The following C2CD3 variants were observed in gnomAD, a reference collection of about 807,000 sequenced individuals.
The protein encoded by C2CD3 is C2 domain containing 3 centriole elongation regulator.
C2CD3 carries 148 observed loss-of-function variants against 234.0 expected under a neutral mutation model. The observed-to-expected ratio is 0.63, with a 90% CI of 0.55 to 0.72. The LOEUF (loss-of-function observed/expected upper bound fraction) is 0.72, where lower values mean the gene tolerates loss of function less well. Ranked by LOEUF, C2CD3 falls within the 30% of genes least tolerant of loss-of-function variation. The pLI, the probability that C2CD3 is intolerant of heterozygous loss-of-function variation, is 0.00. For missense variants in C2CD3, 2,577 were observed against 2,811.5 expected (o/e 0.92, Z 1.89); for synonymous variants, 1,000 against 1,035.4 (o/e 0.97, Z 0.66).
At chr11:74,149,279 C>A (rs530788966) in intron 3 of C2CD3, among the ~76,000 whole-genome samples, 2 of 152,280 alleles carry the variant, frequency 1.3e-5, no homozygotes, top group East Asian at 3.9e-4. Flanking sequence ...TATAGCTGAA[C>A]AATTAGAAGT....
At chr11:74,115,033 G>A (rs1035762303) in intron 9 of C2CD3, among the ~76,000 whole-genome samples, 2 of 151,640 alleles carry the variant, frequency 1.3e-5, no homozygotes, top group African/African-American at 4.9e-5. Flanking sequence ...ATCAAGGATT[G>A]GAAACAGCTT....
chr11:74,162,251 T>C (rs1856526820), intron 2 of C2CD3, among the ~76,000 whole-genome samples: 1 of 152,160 alleles, frequency 6.6e-6, no homozygotes. Flanking sequence ...TATACTGATA[T>C]GGAACAACAT....
At chr11:74,120,114 G>T (rs919430509) in intron 8 of C2CD3, among the ~76,000 whole-genome samples, 1 of 151,666 alleles carries the variant, frequency 6.6e-6, no homozygotes, top group Non-Finnish European at 1.5e-5. Flanking sequence ...CAGCATGATT[G>T]TAAGATTACT....
Position 74,151,167 on chromosome 11 carries a change from G to A in C2CD3, c.483+10232C>T, listed in dbSNP as rs546563400. On this transcript the variant is annotated intron_variant, in intron 3 of 32. Transcript: ENST00000334126. ...TCTCGAACTCCTGACCTGGTGATCC[G>A]CCCGCCTCGGCCTCCCAAAGTGCTG... 1.1e-3 allele frequency among the ~76,000 whole-genome samples: 168 copies of A among 152,096 alleles called. 2 individuals are homozygous for A. The highest frequency in any genetic ancestry group is 9.1e-3 in the South Asian group (44 of 4,816).
chr11:74,127,476 ATTT>A (rs1308320958), intron 7 of C2CD3, among the ~76,000 whole-genome samples: 1 of 141,728 alleles, frequency 7.1e-6, no homozygotes, highest in Admixed American at 7.1e-5. Flanking sequence ...GGGTTGCTTA[ATTT>A]TTTTTTTTTT....
Position 74,034,261 on chromosome 11 carries a change from T to C in C2CD3, c.5899A>G (p.Arg1967Gly), listed in dbSNP as rs1178447613. Residue 1967 changes from arginine (R) to glycine (G), a missense_variant, in exon 31 of 33, where the codon AGG becomes GGG. Physicochemically the swap from Arg to Gly is moderately radical, Grantham distance 125. Coordinates refer to ENST00000334126, the MANE Select transcript of C2CD3 (RefSeq NM_001286577.2). ...GAACTCAAAGCTGCTTGCGAATCCCTGGTGATAGTCTGCAGATCTGAACAG... is the reference window on the plus strand; with the variant it reads ...GAACTCAAAGCTGCTTGCGAATCCCCGGTGATAGTCTGCAGATCTGAACAG... ...SLITDLQTIT[R>G]DSQAALSSHR... 1.3e-6 allele frequency: 2 copies of C among 1,535,802 alleles called. No individual in the cohort carries two copies. Among genetic ancestry groups the C allele is most frequent in the Non-Finnish European group, 8.7e-7 (1 of 1,146,660 alleles).
intron 32 of C2CD3, among the ~76,000 whole-genome samples, chr11:74,025,887 C>G (rs1282792228): frequency 6.6e-6 from 1 of 152,148 alleles, no homozygotes; most frequent in Non-Finnish European, 1.5e-5. Flanking sequence ...CAGTATTTCA[C>G]TCCATGGATG....
At chr11:74,062,673 G>A (rs965850068) in intron 24 of C2CD3, among the ~76,000 whole-genome samples, 41 of 151,914 alleles carry the variant, frequency 2.7e-4, no homozygotes, top group African/African-American at 4.8e-5. Context: ...GAGAAAGCAG[G>A]AAAGATCTAA....
intron 24 of C2CD3, 73 bp downstream of exon 24, chr11:74,074,180 T>A: frequency 2.0e-6 from 2 of 1,010,918 alleles, no homozygotes; most frequent in Non-Finnish European, 3.0e-6. Flanking sequence ...CTGCCATGAT[T>A]TGAAAGATTT....
In C2CD3 at chr11:74,092,665, A is replaced by C. The variant is rs748331681; in HGVS notation, c.3345-77T>G. On this transcript the variant is annotated intron_variant, in intron 18 of 32. Transcript: ENST00000334126. ...CAGTCTGCCCCACAGATCAGCCTTCACTACCTGGTTATCTTTGGTGCCTGA... is the reference window on the plus strand; with the variant it reads ...CAGTCTGCCCCACAGATCAGCCTTCCCTACCTGGTTATCTTTGGTGCCTGA... The C allele has an allele frequency of 2.5e-6, 3 of 1,224,450 alleles. No individual in the cohort carries two copies. In the Admixed American group the frequency reaches 6.7e-5, roughly 27 times the overall value. The allele number at this position is 1,224,450 out of a possible 1,614,324, so 75.8% of individuals were successfully genotyped here. A position where few individuals can be genotyped will look rare whatever the true frequency, so the allele number is the denominator to read the frequency against.
In C2CD3 at chr11:74,013,495, A is replaced by C. The variant is rs913532849; in HGVS notation, c.6952T>G (p.Ser2318Ala). ...DKSEATRGAL[S>A]QRPCRPRPNS... ...GGTCTGGGGCGACAAGGCCTTTGGGAGAGAGCTCCCCTGGTGGCTTCGCTC... is the reference window on the plus strand; with the variant it reads ...GGTCTGGGGCGACAAGGCCTTTGGGCGAGAGCTCCCCTGGTGGCTTCGCTC... The change falls in exon 33 of 33, where the codon TCC becomes GCC. Residue 2318 changes from serine (S) to alanine (A), a missense_variant. Physicochemically the swap from Ser to Ala is moderately conservative, Grantham distance 99. Transcript: ENST00000334126. The C allele has an allele frequency of 4.5e-5, 63 of 1,390,732 alleles. No homozygotes were observed. In the South Asian group the frequency reaches 7.2e-4, roughly 16 times the overall value. The allele number at this position is 1,390,732 out of a possible 1,614,324, so 86.1% of individuals were successfully genotyped here.
chr11:74,049,439 C>G lies in C2CD3; in HGVS notation c.5259G>C (p.Glu1753Asp). ...GWYNITDFSG[E>D]CQGQIKVAVS... The stretch of plus-strand genomic sequence containing the variant: ...CAGCAACTTTTATCTGCCCCTGGCA[C>G]TCTCCACTGAAGTCTGTGATGTTGT... Residue 1753 changes from glutamate to aspartate, a missense_variant, in exon 27 of 33, where the codon GAG becomes GAC. Coordinates refer to ENST00000334126, the MANE Select transcript of C2CD3 (RefSeq NM_001286577.2). 2 of 1,613,990 alleles carry G rather than the reference C, an allele frequency of 1.2e-6. No individual in the cohort carries two copies. Among genetic ancestry groups the G allele is most frequent in the Non-Finnish European group, 1.7e-6 (2 of 1,179,994 alleles).
chr11:74,073,731 A>G (rs1180755532), intron 24 of C2CD3, among the ~76,000 whole-genome samples: 1 of 152,218 alleles, frequency 6.6e-6, no homozygotes, highest in African/African-American at 2.4e-5. Context: ...ATTGTTGACA[A>G]TATCACAGGT....
intron 3 of C2CD3, among the ~76,000 whole-genome samples, chr11:74,150,523 AAAACAAAAC>A (rs1855560788): frequency 8.2e-5 from 5 of 61,194 alleles, no homozygotes; most frequent in East Asian, 3.6e-4. Flanking sequence ...AAACAAAAAA[AAAACAAAAC>A]AAATTTCTAA....
At chr11:74,134,491 T>C (rs1957793711) in intron 5 of C2CD3, among the ~76,000 whole-genome samples, 1 of 152,164 alleles carries the variant, frequency 6.6e-6, no homozygotes, top group Non-Finnish European at 1.5e-5. Flanking sequence ...ATAGTCACAG[T>C]GTTCCAGCCT....
intron 2 of C2CD3, among the ~76,000 whole-genome samples, chr11:74,167,133 G>A (rs1366511917): frequency 2.0e-5 from 3 of 152,184 alleles, no homozygotes; most frequent in Non-Finnish European, 4.4e-5. Context: ...CATGTAGTTG[G>A]TAACACCAAT....
intron 21 of C2CD3, 71 bp from the exon 22 acceptor site, chr11:74,085,041 C>A: frequency 1.2e-6 from 1 of 802,910 alleles, no homozygotes; most frequent in Non-Finnish European, 2.2e-6. Flanking sequence ...ACAGTATATC[C>A]ACACAACCCT....
At position 74,046,288 on chromosome 11, in the gene C2CD3, A is replaced by C. The variant is rs186430195; in HGVS notation, c.5495+1917T>G. On this transcript the variant is annotated intron_variant, in intron 28 of 32. Transcript: ENST00000334126. The stretch of plus-strand genomic sequence containing the variant: ...GGCAACCACTGATTTGCTTTCTGTC[A>C]CTATAGGTTAGGATGCATTTTCTAG... Among the ~76,000 whole-genome samples the C allele has an allele frequency of 8.2e-3, 1,253 of 152,220 alleles. 10 individuals carry two copies. Among genetic ancestry groups the C allele is most frequent in the Non-Finnish European group, 0.011 (779 of 68,018 alleles).
In C2CD3 at chr11:74,084,884, A is replaced by G; in HGVS notation, c.3997T>C (p.Ser1333Pro). Reference protein sequence around the residue: ...VPTKELLIKRSGITGWYPIIL... With the variant: ...VPTKELLIKRPGITGWYPIIL... ...AGTGATAATCCAGGATCCTTACCAG[A>G]TCTCTTGATCAGCAGCTCTTTTGTT... is the stretch of plus-strand genomic sequence containing the variant. The change falls in exon 22 of 33, where the codon TCT becomes CCT. Residue 1333 changes from serine to proline, a missense_variant. Physicochemically the swap from Ser to Pro is moderately conservative, Grantham distance 74. Coordinates refer to ENST00000334126, the MANE Select transcript of C2CD3 (RefSeq NM_001286577.2). 3 of 1,593,120 alleles carry G rather than the reference A, an allele frequency of 1.9e-6. No homozygotes were observed. The highest frequency in any genetic ancestry group is 2.6e-6 in the Non-Finnish European group (3 of 1,160,954).
Sources: gnomAD v4.1 joint callset for allele counts (sites outside exome capture counted in the v4.1 genomes callset) on GRCh38, gnomAD v4.1.1 for gene constraint, MANE v1.5 for transcripts, NCBI Gene and HGNC (gene_info 2026-07-23, HGNC 2026-07-21) for gene names.